The following RBM19 variants were observed in gnomAD, a reference collection of about 807,000 sequenced individuals.
The protein encoded by RBM19 is probable RNA-binding protein 19.
RBM19 carries 94 observed loss-of-function variants against 116.8 expected under a neutral mutation model. The observed-to-expected ratio is 0.80, with a 90% CI of 0.68 to 0.95. RBM19 has a LOEUF of 0.95. Ranked by LOEUF, RBM19 falls within the 40% of genes least tolerant of loss-of-function variation. RBM19 has a pLI of 0.00. For missense variants in RBM19, 1,161 were observed against 1,220.7 expected (o/e 0.95, Z 0.73); for synonymous variants, 475 against 494.1 (o/e 0.96, Z 0.51).
downstream of RBM19, among the ~76,000 whole-genome samples, chr12:113,821,241 C>A (rs1874395566): frequency 6.6e-6 from 1 of 152,172 alleles, no homozygotes; most frequent in Admixed American, 6.5e-5. Context: ...GTTCTAGAAG[C>A]ATCCTCTGGG....
intron 21 of RBM19, among the ~76,000 whole-genome samples, chr12:113,860,417 G>C (rs1878270695): frequency 6.6e-6 from 1 of 152,242 alleles, no homozygotes. Context: ...GGGAGGGAAG[G>C]GCGTGGACAA....
chr12:113,942,603 T>G (rs1870675945), intron 13 of RBM19, among the ~76,000 whole-genome samples, 169 bp from the exon 14 acceptor site: 1 of 151,004 alleles, frequency 6.6e-6, no homozygotes. Context: ...GCTTTTTTTT[T>G]TTTTTTTTTT....
chr12:113,893,264 GCCT>G (rs2135811327), intron 21 of RBM19, among the ~76,000 whole-genome samples: 1 of 152,084 alleles, frequency 6.6e-6, no homozygotes, highest in South Asian at 2.1e-4. Flanking sequence ...GCCTGCCTCA[GCCT>G]CCCAAAGTTC....
intron 16 of RBM19, among the ~76,000 whole-genome samples, chr12:113,930,530 T>G (rs1031548977): frequency 6.6e-6 from 1 of 152,192 alleles, no homozygotes; most frequent in African/African-American, 2.4e-5. Flanking sequence ...GAGGGAACTG[T>G]GAGGAAGGTG....
chr12:113,877,414 C>A (rs556275596), intron 21 of RBM19, among the ~76,000 whole-genome samples: 48 of 152,348 alleles, frequency 3.2e-4, no homozygotes, highest in Non-Finnish European at 5.0e-4. Flanking sequence ...GTGGCCAGAT[C>A]TGGCCCATGA....
At chr12:113,870,153 T>A (rs550798024) in intron 21 of RBM19, among the ~76,000 whole-genome samples, 2 of 152,298 alleles carry the variant, frequency 1.3e-5, no homozygotes, top group East Asian at 3.9e-4. Flanking sequence ...AGCAGGGAGC[T>A]GGATCTACTG....
At chr12:113,900,105 C>T (rs1249992312) in intron 21 of RBM19, among the ~76,000 whole-genome samples, 1 of 152,170 alleles carries the variant, frequency 6.6e-6, no homozygotes, top group Non-Finnish European at 1.5e-5. Context: ...CCAGTCTAGG[C>T]GTGCAGTGAG....
At chr12:113,953,010 T>C (rs956613288) in intron 7 of RBM19, among the ~76,000 whole-genome samples, 1 of 152,240 alleles carries the variant, frequency 6.6e-6, no homozygotes, top group African/African-American at 2.4e-5. Flanking sequence ...ATTTTCTGAA[T>C]GGTTGATACT....
chr12:113,871,552 G>T (rs1313717117), intron 21 of RBM19, among the ~76,000 whole-genome samples: 1 of 152,230 alleles, frequency 6.6e-6, no homozygotes, highest in Non-Finnish European at 1.5e-5. Flanking sequence ...AAATGAGTGG[G>T]TATGGCTAGG....
intron 21 of RBM19, among the ~76,000 whole-genome samples, chr12:113,911,056 G>A (rs1327482471): frequency 1.6e-4 from 3 of 18,340 alleles, no homozygotes; most frequent in Admixed American, 7.9e-4. Flanking sequence ...GGTGGCGGTG[G>A]GGGGGGTGGG....
chr12:113,820,384 G>A (rs139298896), downstream of RBM19, among the ~76,000 whole-genome samples: 3 of 152,274 alleles, frequency 2.0e-5, no homozygotes, highest in African/African-American at 4.8e-5. Flanking sequence ...GGAAGAATGT[G>A]AGGGAAGGGC....
At chr12:113,929,037 G>A (rs1869374220) in intron 16 of RBM19, among the ~76,000 whole-genome samples, 1 of 152,128 alleles carries the variant, frequency 6.6e-6, no homozygotes, top group Admixed American at 6.5e-5. Flanking sequence ...GTTAAACCCT[G>A]CACCCCAGCC....
chr12:113,833,222 C>T (rs1215100885), intron 23 of RBM19, among the ~76,000 whole-genome samples: 1 of 152,176 alleles, frequency 6.6e-6, no homozygotes, highest in Admixed American at 6.5e-5. Context: ...GAGCAAAAAC[C>T]TATGCACCAG....
At chr12:113,947,505 C>T (rs773421679) in intron 10 of RBM19, 41 bp from the exon 11 acceptor site, 2 of 1,554,754 alleles carry the variant, frequency 1.3e-6, no homozygotes, top group Admixed American at 1.7e-5. Context: ...AGGCCGCAGC[C>T]ACTTGGCCCC....
intron 21 of RBM19, among the ~76,000 whole-genome samples, chr12:113,904,754 T>C (rs1171550961): frequency 3.3e-5 from 5 of 152,260 alleles, no homozygotes; most frequent in South Asian, 4.2e-4. Context: ...CAGTGGTTAT[T>C]TGTGCTGTAT....
intron 21 of RBM19, among the ~76,000 whole-genome samples, chr12:113,872,259 G>T (rs1289008208): frequency 6.9e-6 from 1 of 144,110 alleles, no homozygotes; most frequent in South Asian, 2.4e-4. Context: ...TGGCCGCCCC[G>T]TCTGAGAAGT....
At chr12:113,836,321 AT>A (rs1875882925) in intron 23 of RBM19, among the ~76,000 whole-genome samples, 1 of 152,158 alleles carries the variant, frequency 6.6e-6, no homozygotes, top group Admixed American at 6.5e-5. Context: ...TTTTGAAAGC[AT>A]CTCTGTCTGG....
At chr12:113,870,941 A>G (rs1330500317) in intron 21 of RBM19, among the ~76,000 whole-genome samples, 1 of 152,202 alleles carries the variant, frequency 6.6e-6, no homozygotes, top group East Asian at 1.9e-4. Context: ...TCCAGAGGGC[A>G]TCTCTATGAC....
intron 23 of RBM19, among the ~76,000 whole-genome samples, chr12:113,829,235 C>T (rs1273894083): frequency 6.6e-6 from 1 of 152,214 alleles, no homozygotes; most frequent in Non-Finnish European, 1.5e-5. Flanking sequence ...CCCGCCTTGG[C>T]CTCCTAACGT....
Sources: gnomAD v4.1 joint callset for allele counts (sites outside exome capture counted in the v4.1 genomes callset) on GRCh38, gnomAD v4.1.1 for gene constraint, MANE v1.5 for transcripts, NCBI Gene and HGNC (gene_info 2026-07-23, HGNC 2026-07-21) for gene names.